The following CIMAP2 variants were observed in gnomAD, a reference collection of about 807,000 sequenced individuals.
The protein encoded by CIMAP2 is ciliary microtubule-associated protein 2.
chr1:54,841,607 C>T, the CIMAP2 span: 13 of 1,614,006 alleles, frequency 8.1e-6, no homozygotes, highest in East Asian at 2.5e-4. Context: ...GCTGTAATCC[C>T]ATCCTTAGAA....
At chr1:54,812,019 G>A in the CIMAP2 span, 25 of 1,614,132 alleles carry the variant, frequency 1.5e-5, no homozygotes, top group Non-Finnish European at 2.1e-5. Flanking sequence ...CTCTCCTGCA[G>A]GCCTCATCAC....
the CIMAP2 span, among the ~76,000 whole-genome samples, chr1:54,836,355 CCT>C: frequency 6.7e-6 from 1 of 149,454 alleles, no homozygotes; most frequent in Non-Finnish European, 1.5e-5. Context: ...TTTCCTTATT[CCT>C]CTCTGTATTT....
chr1:54,819,974 CTTTT>C, the CIMAP2 span, among the ~76,000 whole-genome samples: 1 of 105,780 alleles, frequency 9.5e-6, no homozygotes, highest in African/African-American at 3.7e-5. Flanking sequence ...TTCTTTCTTT[CTTTT>C]TCTCTCTTTC....
At chr1:54,823,866 ATG>A in the CIMAP2 span, among the ~76,000 whole-genome samples, 3 of 152,164 alleles carry the variant, frequency 2.0e-5, no homozygotes, top group Admixed American at 2.0e-4. Context: ...GTTTTTGCTT[ATG>A]CTGCAAATAA....
the CIMAP2 span, among the ~76,000 whole-genome samples, chr1:54,841,157 C>T: frequency 6.6e-6 from 1 of 152,190 alleles, no homozygotes. Flanking sequence ...GGGTAATGAT[C>T]TAGGCATAGG....
At chr1:54,813,154 T>A in the CIMAP2 span, among the ~76,000 whole-genome samples, 7 of 148,680 alleles carry the variant, frequency 4.7e-5, no homozygotes, top group Non-Finnish European at 8.9e-5. Flanking sequence ...TTTTTTTTTT[T>A]AGATCAGTTT....
chr1:54,806,913 C>A, the CIMAP2 span: 2 of 1,300,186 alleles, frequency 1.5e-6, no homozygotes, highest in Non-Finnish European at 2.2e-6. Context: ...CCCGGGCAGC[C>A]AACTCCCCCA....
the CIMAP2 span, chr1:54,841,659 G>T: frequency 3.4e-3 from 5,439 of 1,612,288 alleles, 195 homozygotes; most frequent in East Asian, 0.087. Flanking sequence ...CATCAATTTT[G>T]GCCTCTCACC....
the CIMAP2 span, among the ~76,000 whole-genome samples, chr1:54,830,350 G>T: frequency 6.6e-6 from 1 of 152,148 alleles, no homozygotes; most frequent in Admixed American, 6.5e-5. This position sits in a 1 kb window ranked among gnomAD's most constrained non-coding sequence, Gnocchi z 4.1. Context: ...AGCCTCCTGA[G>T]TAGCTGGGGT....
chr1:54,810,573 G>A, the CIMAP2 span, among the ~76,000 whole-genome samples: 2 of 152,112 alleles, frequency 1.3e-5, no homozygotes, highest in Admixed American at 6.5e-5. Context: ...TGCCCTTCCC[G>A]CCCCATCCTG....
the CIMAP2 span, among the ~76,000 whole-genome samples, chr1:54,810,612 A>G: frequency 6.6e-6 from 1 of 152,112 alleles, no homozygotes; most frequent in Non-Finnish European, 1.5e-5. Flanking sequence ...CCAGGCTCAG[A>G]GGTAGGGCAT....
the CIMAP2 span, chr1:54,811,773 G>GACCCCCCCCCCC: frequency 3.0e-6 from 4 of 1,325,048 alleles, no homozygotes; most frequent in South Asian, 1.3e-5. Flanking sequence ...CAGCCTCCAT[G>GACCCCCCCCCCC]CCCCCACCCC....
the CIMAP2 span, chr1:54,812,100 G>C: frequency 1.2e-6 from 2 of 1,614,194 alleles, no homozygotes; most frequent in South Asian, 2.2e-5. Context: ...TGAGACATAT[G>C]TGGCACGATC....
At chr1:54,811,885 G>T in the CIMAP2 span, 3 of 1,613,422 alleles carry the variant, frequency 1.9e-6, no homozygotes, top group East Asian at 2.2e-5. Context: ...CATTCCGAGG[G>T]CCTCATGTGC....
At chr1:54,838,173 T>C in the CIMAP2 span, among the ~76,000 whole-genome samples, 1 of 152,076 alleles carries the variant, frequency 6.6e-6, no homozygotes, top group African/African-American at 2.4e-5. Context: ...TGCCAGGCAC[T>C]GTACTCAGCT....
the CIMAP2 span, chr1:54,841,629 T>C: frequency 1.9e-6 from 3 of 1,614,184 alleles, no homozygotes; most frequent in Non-Finnish European, 2.5e-6. Context: ...CAGGCTGTTT[T>C]GTTGGAAAGG....
At chr1:54,838,992 C>A in the CIMAP2 span, among the ~76,000 whole-genome samples, 2 of 152,176 alleles carry the variant, frequency 1.3e-5, no homozygotes, top group African/African-American at 4.8e-5. Context: ...ATTGGAAAGG[C>A]CACCAATACA....
the CIMAP2 span, chr1:54,811,765 G>GCCGGGGGGGGCCCCCCCCCCCCC: frequency 2.3e-6 from 3 of 1,301,332 alleles, no homozygotes; most frequent in Non-Finnish European, 2.2e-6. Flanking sequence ...GGTTCTGACA[G>GCCGGGGGGGGCCCCCCCCCCCCC]CCTCCATGCC....
chr1:54,841,253 G>A, the CIMAP2 span, among the ~76,000 whole-genome samples: 1 of 152,238 alleles, frequency 6.6e-6, no homozygotes, highest in African/African-American at 2.4e-5. Flanking sequence ...GATACATAAA[G>A]TGTGTAACGT....
Sources: gnomAD v4.1 joint callset for allele counts (sites outside exome capture counted in the v4.1 genomes callset) on GRCh38, gnomAD v4.1.1 for gene constraint, Gnocchi (gnomAD v3.1) non-coding constraint, MANE v1.5 for transcripts, NCBI Gene and HGNC (gene_info 2026-07-23, HGNC 2026-07-21) for gene names.